CHN2: variants seen among roughly 807,000 people sequenced by gnomAD.
CHN2 encodes chimerin 2, also known as beta-chimaerin.
CHN2 carries 35 observed loss-of-function variants against 56.3 expected under a neutral mutation model. That is an observed-to-expected ratio of 0.62 (90% CI 0.47 to 0.82). The LOEUF (loss-of-function observed/expected upper bound fraction) is 0.82, where lower values mean the gene tolerates loss of function less well. Among genes scored for constraint, CHN2 ranks in the 40% least tolerant of loss-of-function variants. The pLI is 0.00. For missense variants in CHN2, 491 were observed against 580.5 expected, an observed-to-expected ratio of 0.85 and a Z score of 1.58; for synonymous variants, 210 against 212.8, an observed-to-expected ratio of 0.99 and a Z score of 0.12.
chr7:29,237,349 G>GTTTC (rs971711445), intron 1 of CHN2, among the ~76,000 whole-genome samples: 1 of 151,680 alleles, frequency 6.6e-6, no homozygotes, highest in African/African-American at 2.4e-5. Context: ...GATTCCTGAT[G>GTTTC]TTTCAGTAAC....
At chr7:29,166,393 T>A (rs1795922919) in intron 2 of CHN2, among the ~76,000 whole-genome samples, 1 of 152,212 alleles carries the variant, frequency 6.6e-6, no homozygotes, top group Non-Finnish European at 1.5e-5. Context: ...TGATATTCTT[T>A]CTGATTTAAG....
intron 2 of CHN2, among the ~76,000 whole-genome samples, chr7:29,176,247 A>G (rs912566435): frequency 1.3e-5 from 2 of 152,102 alleles, no homozygotes; most frequent in Admixed American, 6.5e-5. Context: ...TCTGACTACA[A>G]AGATCCAGAA....
At chr7:29,413,902 C>G (rs921459680) in intron 6 of CHN2, among the ~76,000 whole-genome samples, 1 of 152,202 alleles carries the variant, frequency 6.6e-6, no homozygotes, top group Non-Finnish European at 1.5e-5. Flanking sequence ...TAATCGTCTT[C>G]TGCTCTGGAC....
chr7:29,190,266 AC>A (rs1483331996), upstream of CHN2, among the ~76,000 whole-genome samples: 3 of 152,240 alleles, frequency 2.0e-5, no homozygotes, highest in African/African-American at 7.2e-5. Context: ...ACGGTAGAGT[AC>A]TTGCCATAAA....
At chr7:29,151,851 A>G (rs1200779166) in intron 2 of CHN2, among the ~76,000 whole-genome samples, 2 of 152,228 alleles carry the variant, frequency 1.3e-5, no homozygotes, top group Non-Finnish European at 2.9e-5. Flanking sequence ...ACGAAATTGT[A>G]TGTATAGCCA....
chr7:29,365,411 A>C (rs868470953), intron 2 of CHN2, among the ~76,000 whole-genome samples: 4 of 152,338 alleles, frequency 2.6e-5, no homozygotes, highest in South Asian at 4.1e-4. Context: ...ACTCACATCA[A>C]TAAATACAGA....
At chr7:29,204,607 T>C (rs1439906452) in intron 1 of CHN2, among the ~76,000 whole-genome samples, 2 of 152,154 alleles carry the variant, frequency 1.3e-5, no homozygotes, top group Non-Finnish European at 2.9e-5. Flanking sequence ...TAATTTCTGG[T>C]TGGGGTCCTG....
chr7:29,389,501 G>C (rs548426795), intron 3 of CHN2, among the ~76,000 whole-genome samples: 1 of 152,240 alleles, frequency 6.6e-6, no homozygotes, highest in South Asian at 2.1e-4. Flanking sequence ...GGTTCGAGAT[G>C]GGGATGCTGT....
chr7:29,218,809 G>A (rs1189755511), intron 1 of CHN2, among the ~76,000 whole-genome samples: 3 of 127,162 alleles, frequency 2.4e-5, no homozygotes, highest in East Asian at 6.6e-4. Flanking sequence ...GTTGTGGGGT[G>A]GGGGGAGAGG....
intron 6 of CHN2, among the ~76,000 whole-genome samples, chr7:29,457,998 G>A (rs1397146365): frequency 2.0e-5 from 3 of 152,150 alleles, no homozygotes; most frequent in African/African-American, 4.8e-5. Flanking sequence ...ATAAATCATA[G>A]TAATACTACA....
chr7:29,476,142 G>A (rs1447214537), intron 6 of CHN2, among the ~76,000 whole-genome samples: 2 of 152,160 alleles, frequency 1.3e-5, no homozygotes, highest in African/African-American at 4.8e-5. Context: ...GTGGCCATGG[G>A]CAAGTCACTT....
intron 2 of CHN2, among the ~76,000 whole-genome samples, chr7:29,355,125 T>A (rs1205636636): frequency 6.6e-6 from 1 of 151,774 alleles, no homozygotes; most frequent in Non-Finnish European, 1.5e-5. Flanking sequence ...TGCGCCACCA[T>A]GCCCGGCTAA....
chr7:29,315,947 A>G (rs1794929316), intron 1 of CHN2, among the ~76,000 whole-genome samples: 1 of 152,176 alleles, frequency 6.6e-6, no homozygotes, highest in Admixed American at 6.5e-5. Context: ...GAATACACAA[A>G]AGGCTGTGGT....
At chr7:29,327,410 G>C (rs911870213) in intron 1 of CHN2, among the ~76,000 whole-genome samples, 4 of 152,192 alleles carry the variant, frequency 2.6e-5, no homozygotes, top group Non-Finnish European at 5.9e-5. Context: ...ATCAGCTTCA[G>C]GGACTTCGGT....
chr7:29,492,135 T>A (rs1338835497), intron 7 of CHN2, among the ~76,000 whole-genome samples: 1 of 152,248 alleles, frequency 6.6e-6, no homozygotes, highest in East Asian at 1.9e-4. Context: ...GATAATTAGC[T>A]GGGTGTAAAA....
Position 29,158,102 on chromosome 7 carries a change from A to G in CHN2, c.274+11142A>G, listed in dbSNP as rs560918722. 2.2e-4 allele frequency among the ~76,000 whole-genome samples: 33 copies of G among 152,304 alleles called. 1 individual carries two copies. In the South Asian group the frequency reaches 6.2e-3, roughly 29 times the overall value. On this transcript the variant is annotated intron_variant, in intron 2 of 6. Coordinates refer to the CHN2 transcript ENST00000439384. ...GAGCTCATCACTCCTCCAAATTCCC[A>G]TCTCCACTGAACACTGGTTAAGAAG...
At chr7:29,458,919 A>C (rs75155432) in intron 6 of CHN2, among the ~76,000 whole-genome samples, 2,688 of 152,328 alleles carry the variant, frequency 0.018, 71 homozygotes, top group African/African-American at 0.062. Context: ...ATCAGAATTC[A>C]GGAGCGGACA....
intron 1 of CHN2, among the ~76,000 whole-genome samples, chr7:29,221,723 G>A (rs932755132): frequency 1.3e-5 from 2 of 152,176 alleles, no homozygotes; most frequent in African/African-American, 4.8e-5. Flanking sequence ...TTGGTTTTCT[G>A]TTCCTGCATT....
chr7:29,208,888 C>G (rs1355850033), intron 1 of CHN2: 1 of 152,254 alleles, frequency 6.6e-6, no homozygotes, highest in Non-Finnish European at 1.5e-5. Flanking sequence ...GGGCCTTGTC[C>G]TCAGCCTCAC....
Sources: allele counts gnomAD v4.1 joint callset (sites outside exome capture counted in the v4.1 genomes callset), GRCh38; gene constraint gnomAD v4.1.1; transcripts MANE v1.5; gene names NCBI Gene and HGNC (gene_info 2026-07-23, HGNC 2026-07-21).